GCNT1: variants seen among roughly 807,000 people sequenced by gnomAD.
GCNT1 encodes glucosaminyl (N-acetyl) transferase 1.
In GCNT1, 16 loss-of-function variants were observed where a neutral mutation model predicts 26.2. The ratio of observed to expected loss-of-function variants is 0.61; its 90% CI spans 0.41 to 0.93. GCNT1 has a LOEUF of 0.93. GCNT1 is among the 40% of genes least tolerant of loss of function. The probability of loss-of-function intolerance (pLI) is 0.00; values close to 1 mark genes in which losing one functional copy is unlikely to be tolerated. For synonymous variants in GCNT1, 183 were observed against 190.8 expected (o/e 0.96, Z 0.34); for missense variants, 477 against 526.7 (o/e 0.91, Z 0.92).
At chr9:76,474,077 G>C (rs1824201958) in intron 2 of GCNT1, among the ~76,000 whole-genome samples, 1 of 152,118 alleles carries the variant, frequency 6.6e-6, no homozygotes, top group African/African-American at 2.4e-5. Context: ...TCTAGCTTGG[G>C]TAACAGAGCG....
Position 76,486,586 on chromosome 9 carries a change from A to G in GCNT1, c.-289-14330A>G, listed in dbSNP as rs569653076. Among the ~76,000 whole-genome samples, 3 of 152,198 alleles carry G rather than the reference A, an allele frequency of 2.0e-5. No homozygotes were observed. The South Asian group carries it at 6.2e-4, about 31-fold the overall frequency. On this transcript the variant is annotated intron_variant, in intron 2 of 3. Transcript: ENST00000376730. Reference sequence around the variant, plus strand: ...GCTTCCTGAGATCTCCAAGTCAGTTATCATTCACTACCTCTAATTTTCAAA... The same window carrying G: ...GCTTCCTGAGATCTCCAAGTCAGTTGTCATTCACTACCTCTAATTTTCAAA...
chr9:76,448,322 C>T (rs1451954297), intron 1 of GCNT1, among the ~76,000 whole-genome samples: 2 of 152,016 alleles, frequency 1.3e-5, no homozygotes, highest in Admixed American at 6.6e-5. Context: ...TGTGGTGGCA[C>T]GTACCTGTAG....
chr9:76,491,023 C>T (rs1296163860), intron 2 of GCNT1, among the ~76,000 whole-genome samples: 1 of 152,244 alleles, frequency 6.6e-6, no homozygotes, highest in Admixed American at 6.5e-5. Context: ...CTTCAATTAT[C>T]AATTATAGGT....
At chr9:76,402,325 T>C in the GCNT1 span, among the ~76,000 whole-genome samples, 1 of 152,372 alleles carries the variant, frequency 6.6e-6, no homozygotes, top group South Asian at 2.1e-4. Flanking sequence ...CTGTTTGTAC[T>C]GTTGTATCAT....
chr9:76,426,192 C>T (rs181820913), intron 1 of GCNT1, among the ~76,000 whole-genome samples: 3 of 152,232 alleles, frequency 2.0e-5, no homozygotes, highest in Admixed American at 6.5e-5. Context: ...AAAGTTAGTT[C>T]GTCCTGCGCT....
intron 1 of GCNT1, among the ~76,000 whole-genome samples, chr9:76,459,668 GGCTTAACTTCATTTAACTTCATT>G (rs908953294): frequency 2.0e-5 from 3 of 152,150 alleles, no homozygotes; most frequent in African/African-American, 7.2e-5. Flanking sequence ...GGGTGCCAGG[GGCTTAACTTCATTTAACTTCATT>G]GAATCCTAAC....
chr9:76,402,195 T>C, the GCNT1 span, among the ~76,000 whole-genome samples: 2 of 152,202 alleles, frequency 1.3e-5, no homozygotes, highest in African/African-American at 2.4e-5. Context: ...CTTTCCTGTA[T>C]CTGCTTCCTC....
At chr9:76,421,700 T>G (rs1246585151) in intron 1 of GCNT1, among the ~76,000 whole-genome samples, 1 of 140,294 alleles carries the variant, frequency 7.1e-6, no homozygotes, top group African/African-American at 2.6e-5. Flanking sequence ...TTTTTTTTTT[T>G]TTTTTTTTTT....
At chr9:76,415,389 C>T (rs1264144614), upstream of GCNT1, among the ~76,000 whole-genome samples, 1 of 152,150 alleles carries the variant, frequency 6.6e-6, no homozygotes, top group Non-Finnish European at 1.5e-5. Context: ...GTCTCTGCCC[C>T]TTGGATTTTT....
chr9:76,451,902 C>A (rs1823668462), intron 1 of GCNT1, among the ~76,000 whole-genome samples: 1 of 151,346 alleles, frequency 6.6e-6, no homozygotes, highest in Admixed American at 6.6e-5. Flanking sequence ...TTTTTTATAG[C>A]CATACACTTC....
chr9:76,415,688 T>C (rs1823126566), upstream of GCNT1, among the ~76,000 whole-genome samples: 1 of 152,162 alleles, frequency 6.6e-6, no homozygotes, highest in African/African-American at 2.4e-5. Context: ...AAAATAATTA[T>C]TCAATGCCAA....
Position 76,500,948 on chromosome 9 carries a change from TC to T in GCNT1, c.-256del, listed in dbSNP as rs1464940852. 6.6e-6 allele frequency: 1 copy of T among 152,210 alleles called. No individual in the cohort carries two copies. The highest frequency in any genetic ancestry group is 1.5e-5 in the Non-Finnish European group (1 of 68,036). 9.4% of individuals were successfully genotyped at this position (152,210 alleles called of 1,614,324 possible). On this transcript the variant is annotated 5_prime_UTR_variant, in exon 3 of 4. In the 5' UTR this introduces an upstream ATG that the reference lacks. Coordinates refer to ENST00000376730, the MANE Select transcript of GCNT1 (RefSeq NM_001490.5). ...TAAAGACTCGTGCAGCACATCATTATCGCTGGATGCCCGGACATGTAATACA... is the reference window on the plus strand; with the variant it reads ...TAAAGACTCGTGCAGCACATCATTATGCTGGATGCCCGGACATGTAATACA...
the GCNT1 span, among the ~76,000 whole-genome samples, chr9:76,395,790 AG>A: frequency 1.3e-5 from 2 of 152,242 alleles, no homozygotes; most frequent in African/African-American, 2.4e-5. Context: ...AGTAATAGCA[AG>A]TTGTGAAAAG....
chr9:76,470,603 CAA>C (rs10564028), intron 2 of GCNT1, among the ~76,000 whole-genome samples: 4,862 of 94,242 alleles, frequency 0.052, 262 homozygotes, highest in African/African-American at 0.17. Flanking sequence ...GACCCTGTCC[CAA>C]AAAAAAAAAA....
At chr9:76,435,930 G>T in intron 1 of GCNT1, among the ~76,000 whole-genome samples, 1 of 150,320 alleles carries the variant, frequency 6.7e-6, no homozygotes, top group Admixed American at 6.6e-5. Context: ...ATGACAGAGT[G>T]CTAAGCAGTA....
intron 2 of GCNT1, among the ~76,000 whole-genome samples, chr9:76,494,620 G>T (rs1455725713): frequency 6.6e-6 from 1 of 152,174 alleles, no homozygotes; most frequent in African/African-American, 2.4e-5. Context: ...AGGGAACAGA[G>T]TCCTGAAGTT....
At chr9:76,393,908 G>A in the GCNT1 span, 6 of 594,260 alleles carry the variant, frequency 1.0e-5, no homozygotes, top group Non-Finnish European at 1.7e-5. Flanking sequence ...CAGAAGCAGG[G>A]ACAAGCTCCC....
At chr9:76,414,365 G>A in the GCNT1 span, among the ~76,000 whole-genome samples, 2,559 of 152,226 alleles carry the variant, frequency 0.017, 70 homozygotes, top group African/African-American at 0.058. Flanking sequence ...TGGTCCTATC[G>A]TTACCAGAAA....
At chr9:76,394,752 C>A in the GCNT1 span, among the ~76,000 whole-genome samples, 1 of 152,130 alleles carries the variant, frequency 6.6e-6, no homozygotes, top group Non-Finnish European at 1.5e-5. Context: ...TTTTCTCCTT[C>A]CTCCTGTTCA....
Sources: allele counts gnomAD v4.1 joint callset (sites outside exome capture counted in the v4.1 genomes callset), GRCh38; gene constraint gnomAD v4.1.1; transcripts MANE v1.5; gene names NCBI Gene and HGNC (gene_info 2026-07-23, HGNC 2026-07-21).